NYAP2: variants seen among roughly 807,000 people sequenced by gnomAD.
NYAP2 encodes neuronal tyrosine-phosphorylated phosphoinositide-3-kinase adaptor 2.
In NYAP2, 23 loss-of-function variants were observed where a neutral mutation model predicts 50.4. That is an observed-to-expected ratio of 0.46 (90% CI 0.33 to 0.65). NYAP2 has a LOEUF of 0.65. Among genes scored for constraint, NYAP2 ranks in the 30% least tolerant of loss-of-function variants. The pLI is 0.02. For missense variants in NYAP2, 885 were observed against 861.0 expected (o/e 1.03, Z -0.35); for synonymous variants, 394 against 365.2 (o/e 1.08, Z -0.90).
chr2:225,449,407 CTATT>C (rs1041754031), intron 3 of NYAP2, among the ~76,000 whole-genome samples: 3 of 152,088 alleles, frequency 2.0e-5, no homozygotes, highest in African/African-American at 7.2e-5. Context: ...ATGAACTTTA[CTATT>C]TATTTAAGAA....
chr2:225,433,358 T>TAA (rs10553749), intron 3 of NYAP2, among the ~76,000 whole-genome samples: 1 of 148,982 alleles, frequency 6.7e-6, no homozygotes, highest in Non-Finnish European at 1.5e-5. Context: ...CCTATCTGTT[T>TAA]AAAAAAAAAA....
intron 3 of NYAP2, among the ~76,000 whole-genome samples, chr2:225,426,804 G>C (rs761415459): frequency 4.6e-5 from 7 of 152,152 alleles, no homozygotes; most frequent in African/African-American, 1.2e-4. Flanking sequence ...ATAGGTGAGA[G>C]AGCACTGCAG....
intron 5 of NYAP2, among the ~76,000 whole-genome samples, chr2:225,606,699 C>T (rs1345509243): frequency 6.6e-6 from 1 of 152,086 alleles, no homozygotes; most frequent in African/African-American, 2.4e-5. Context: ...ATTTGAATTC[C>T]TTGCATCCAA....
chr2:225,573,431 T>C (rs932650163), intron 4 of NYAP2, among the ~76,000 whole-genome samples: 1 of 152,038 alleles, frequency 6.6e-6, no homozygotes, highest in Non-Finnish European at 1.5e-5. Context: ...TTTGTATTTT[T>C]AGTAGAGACG....
chr2:225,519,381 C>T (rs1691004957), intron 4 of NYAP2, among the ~76,000 whole-genome samples: 2 of 151,176 alleles, frequency 1.3e-5, no homozygotes, highest in African/African-American at 4.9e-5. Flanking sequence ...ATTAACTCAT[C>T]ATTTAGCATT....
rs6737938 is a variant in NYAP2 at position 225,536,193 on chromosome 2, C to T, written c.523+22521C>T. ...GGATAAAGGCTACCCCTCAGTTGAA[C>T]CCCCAACCCCTTTCCAGCTGCTGCT... On this transcript the variant is annotated intron_variant, in intron 4 of 6. Transcript: ENST00000636099. 7.0e-3 allele frequency among the ~76,000 whole-genome samples: 1,071 copies of T among 152,278 alleles called. 8 individuals are homozygous for T. Among genetic ancestry groups the T allele is most frequent in the Non-Finnish European group, 0.012 (795 of 68,006 alleles).
rs138454678 is a variant in NYAP2, at chr2:225,430,026, G to A, written c.221+20925G>A. 8.7e-4 allele frequency among the ~76,000 whole-genome samples: 133 copies of A among 152,192 alleles called. 1 individual carries two copies. The highest frequency in any genetic ancestry group is 2.7e-3 in the African/African-American group (114 of 41,532). On this transcript the variant is annotated intron_variant, in intron 3 of 6. Transcript: ENST00000636099. ...TGTCAGCGTAAACTGATAAACTCTG[G>A]ATTATTCTGATTCCTGCAACTCTCT...
the NYAP2 span, among the ~76,000 whole-genome samples, chr2:225,683,687 GGTGTCTTTTTTGGCAATGGGTAAACA>G: frequency 1.2e-4 from 18 of 151,728 alleles, no homozygotes; most frequent in African/African-American, 4.4e-4. Context: ...CAAAGGGAAA[GGTGTCTTTTTTGGCAATGGGTAAACA>G]GCATGAGAAG....
intron 4 of NYAP2, among the ~76,000 whole-genome samples, chr2:225,557,092 C>T (rs929487222): frequency 4.6e-5 from 7 of 152,162 alleles, no homozygotes; most frequent in African/African-American, 1.7e-4. Context: ...CAGATTAGCT[C>T]TGCTCTAATT....
intron 6 of NYAP2, among the ~76,000 whole-genome samples, chr2:225,631,039 G>A (rs1244219450): frequency 6.6e-6 from 1 of 152,192 alleles, no homozygotes; most frequent in African/African-American, 2.4e-5. Context: ...AGTAAGACTG[G>A]ATGAGTCTAA....
At chr2:225,525,212 G>A (rs1039486678) in intron 4 of NYAP2, among the ~76,000 whole-genome samples, 1 of 152,152 alleles carries the variant, frequency 6.6e-6, no homozygotes, top group South Asian at 2.1e-4. Flanking sequence ...GCCGTTTGAT[G>A]CTGCAATCTC....
intron 3 of NYAP2, among the ~76,000 whole-genome samples, chr2:225,477,765 A>G (rs1439668045): frequency 1.3e-5 from 2 of 152,184 alleles, no homozygotes; most frequent in African/African-American, 4.8e-5. Flanking sequence ...ACATATATAC[A>G]CACATATACA....
intron 5 of NYAP2, among the ~76,000 whole-genome samples, chr2:225,618,554 T>C (rs555471019): frequency 8.5e-5 from 13 of 152,348 alleles, no homozygotes; most frequent in Non-Finnish European, 1.8e-4. Context: ...AAGTCTTCCT[T>C]GAATGATAAC....
At chr2:225,424,222 A>G (rs1208040342) in intron 3 of NYAP2, among the ~76,000 whole-genome samples, 1 of 152,142 alleles carries the variant, frequency 6.6e-6, no homozygotes, top group East Asian at 1.9e-4. Context: ...AGGACAATGA[A>G]CTAATTAAAA....
downstream of NYAP2, among the ~76,000 whole-genome samples, chr2:225,656,653 G>T (rs1428350741): frequency 6.6e-6 from 1 of 152,130 alleles, no homozygotes; most frequent in Non-Finnish European, 1.5e-5. Flanking sequence ...AACATGCTCA[G>T]ATGCCAGAAT....
chr2:225,468,646 G>A (rs575287467), intron 3 of NYAP2, among the ~76,000 whole-genome samples: 35 of 152,132 alleles, frequency 2.3e-4, no homozygotes, highest in Non-Finnish European at 4.6e-4. Context: ...AAAGAGGTAT[G>A]ATCAAAGGAG....
intron 5 of NYAP2, among the ~76,000 whole-genome samples, chr2:225,619,528 A>G (rs570149968): frequency 5.3e-5 from 8 of 152,308 alleles, no homozygotes; most frequent in African/African-American, 1.9e-4. Context: ...GATTCTGGTA[A>G]AACCCACTAA....
chr2:225,652,686 G>A (rs1378553990), exon 7 of NYAP2: 1 of 152,126 alleles, frequency 6.6e-6, no homozygotes, highest in East Asian at 1.9e-4. Context: ...TTCTGAAATA[G>A]CAACTTATAA....
At chr2:225,426,212 G>A (rs1308053246) in intron 3 of NYAP2, among the ~76,000 whole-genome samples, 1 of 151,414 alleles carries the variant, frequency 6.6e-6, no homozygotes, top group East Asian at 1.9e-4. Flanking sequence ...GGGATCTGTA[G>A]AGTCAGACTT....
Sources: gnomAD v4.1 joint callset for allele counts (sites outside exome capture counted in the v4.1 genomes callset) on GRCh38, gnomAD v4.1.1 for gene constraint, MANE v1.5 for transcripts, NCBI Gene and HGNC (gene_info 2026-07-23, HGNC 2026-07-21) for gene names.